The following CNRIP1 variants were observed in gnomAD, a reference collection of about 807,000 sequenced individuals.
CNRIP1 encodes the protein CB1 cannabinoid receptor-interacting protein 1.
A neutral mutation model predicts 15.2 loss-of-function variants in CNRIP1; 10 were observed. The ratio of observed to expected loss-of-function variants is 0.66; its 90% CI spans 0.41 to 1.12. The LOEUF is 1.12. CNRIP1 is among the 50% of genes most tolerant of loss of function. The probability of loss-of-function intolerance (pLI) is 0.00; values close to 1 mark genes in which losing one functional copy is unlikely to be tolerated. For missense variants in CNRIP1, 211 were observed against 214.7 expected, an observed-to-expected ratio of 0.98 and a Z score of 0.11; for synonymous variants, 91 against 83.2, an observed-to-expected ratio of 1.09 and a Z score of -0.51.
intron 2 of CNRIP1, among the ~76,000 whole-genome samples, chr2:68,307,850 T>C (rs1289703390): frequency 1.3e-5 from 2 of 152,154 alleles, no homozygotes; most frequent in South Asian, 2.1e-4. Context: ...TTTTAAAGTA[T>C]ACAAACAATC....
At chr2:68,295,244 G>A (rs113346403) in intron 2 of CNRIP1, among the ~76,000 whole-genome samples, 60 of 152,312 alleles carry the variant, frequency 3.9e-4, no homozygotes, top group African/African-American at 1.4e-3. Context: ...GTGATCAGGT[G>A]CTTTCCAGAT....
intron 2 of CNRIP1, among the ~76,000 whole-genome samples, chr2:68,286,361 A>G (rs934653033): frequency 6.6e-6 from 1 of 152,126 alleles, no homozygotes; most frequent in African/African-American, 2.4e-5. Flanking sequence ...TACACATTAT[A>G]TAGATCTACT....
At chr2:68,292,301 T>TC (rs1671193873), downstream of CNRIP1, among the ~76,000 whole-genome samples, 1 of 152,288 alleles carries the variant, frequency 6.6e-6, no homozygotes, top group African/African-American at 2.4e-5. Flanking sequence ...TCATTTATGA[T>TC]CCCCAAAGGC....
chr2:68,299,202 C>T (rs926741846), intron 2 of CNRIP1, among the ~76,000 whole-genome samples: 1 of 152,112 alleles, frequency 6.6e-6, no homozygotes, highest in Non-Finnish European at 1.5e-5. Flanking sequence ...TATCACTGTA[C>T]AAAACTGCTG....
chr2:68,304,244 T>TA (rs570769982), intron 2 of CNRIP1, among the ~76,000 whole-genome samples: 235 of 135,018 alleles, frequency 1.7e-3, no homozygotes, highest in African/African-American at 6.0e-3. Flanking sequence ...AAAAAAAAAA[T>TA]ACAAAAATTA....
chr2:68,295,945 G>C lies in CNRIP1; in HGVS notation c.331-1919C>G, dbSNP rs1291292059. ...AATATCCATTTTTAGTGAGCTATAA[G>C]AAAACAGGTATTCTAAATGCTGCTA... On this transcript the variant is annotated intron_variant, in intron 2 of 2. Transcript: ENST00000263655. 3.9e-5 allele frequency among the ~76,000 whole-genome samples: 6 copies of C among 152,264 alleles called. No individual in the cohort carries two copies. In the South Asian group the frequency reaches 1.2e-3, roughly 32 times the overall value.
chr2:68,292,955 C>T (rs905671269), downstream of CNRIP1: 8 of 925,968 alleles, frequency 8.6e-6, no homozygotes, highest in African/African-American at 1.8e-5. Flanking sequence ...TGGCCTAGAG[C>T]AGGGATTCAC....
chr2:68,318,293 T>G (rs908701802), intron 1 of CNRIP1, among the ~76,000 whole-genome samples: 1 of 152,132 alleles, frequency 6.6e-6, no homozygotes, highest in African/African-American at 2.4e-5. Flanking sequence ...TCAAAGTCCT[T>G]CCACCCCCGC....
chr2:68,314,057 C>T (rs781249485), intron 2 of CNRIP1, among the ~76,000 whole-genome samples: 2 of 152,032 alleles, frequency 1.3e-5, no homozygotes, highest in African/African-American at 2.4e-5. Context: ...AAAACCATCC[C>T]GCAAATCTTG....
intron 2 of CNRIP1, among the ~76,000 whole-genome samples, chr2:68,306,158 G>T (rs1671838201): frequency 1.2e-5 from 1 of 86,670 alleles, no homozygotes; most frequent in African/African-American, 4.4e-5. Context: ...AAAATTAGCT[G>T]GGTGTGGGTG....
In CNRIP1 at chr2:68,319,650, G is replaced by A. The variant is rs997256450; in HGVS notation, c.-250C>T. The A allele has an allele frequency of 4.3e-6, 2 of 462,528 alleles. No homozygotes were observed. Among genetic ancestry groups the A allele is most frequent in the Admixed American group, 4.3e-5 (1 of 23,302 alleles). 28.7% of individuals were successfully genotyped at this position (462,528 alleles called of 1,614,324 possible). On this transcript the variant is annotated 5_prime_UTR_variant, in exon 1 of 3. Transcript: ENST00000263655. ...GCCCAAGAGACGGCTCCAAGGCCGC[G>A]CGCTTCCCCATCCCCCGCTCCAGTG...
downstream of CNRIP1, among the ~76,000 whole-genome samples, chr2:68,288,655 A>G (rs111954601): frequency 0.017 from 2,550 of 152,316 alleles, 47 homozygotes; most frequent in Admixed American, 0.069. Flanking sequence ...AAAGAGAACT[A>G]TAGGCAAATG....
chr2:68,315,737 G>C (rs1399838199), intron 2 of CNRIP1, among the ~76,000 whole-genome samples: 3 of 152,110 alleles, frequency 2.0e-5, no homozygotes, highest in Non-Finnish European at 1.5e-5. Flanking sequence ...GTGCAGTGGT[G>C]TGATCATAGC....
chr2:68,289,695 G>A (rs1385638631), downstream of CNRIP1, among the ~76,000 whole-genome samples: 1 of 152,088 alleles, frequency 6.6e-6, no homozygotes, highest in Non-Finnish European at 1.5e-5. Flanking sequence ...TGCCTAGGCT[G>A]GTCTCAAACT....
chr2:68,319,556 C>A lies in CNRIP1; in HGVS notation c.-156G>T, dbSNP rs1319966098. 1.4e-6 allele frequency: 1 copy of A among 723,606 alleles called. No individual in the cohort carries two copies. The highest frequency in any genetic ancestry group is 2.1e-6 in the Non-Finnish European group (1 of 471,792). The allele number at this position is 723,606 out of a possible 1,614,324, so 44.8% of individuals were successfully genotyped here. ...CGCTAGGAACCCGCGCCGTCGCCGC[C>A]GTCCGCCCGGGCTTTTGAGGAGCAG... On this transcript the variant is annotated 5_prime_UTR_variant, in exon 1 of 3. Coordinates refer to ENST00000263655, the MANE Select transcript of CNRIP1 (RefSeq NM_015463.3).
At chr2:68,311,423 T>A (rs1672070295) in intron 2 of CNRIP1, among the ~76,000 whole-genome samples, 1 of 151,882 alleles carries the variant, frequency 6.6e-6, no homozygotes, top group Non-Finnish European at 1.5e-5. Context: ...CCAATAAAAC[T>A]GAAATCTCTA....
intron 2 of CNRIP1, among the ~76,000 whole-genome samples, chr2:68,306,011 T>G (rs949317225): frequency 6.8e-6 from 1 of 147,924 alleles, no homozygotes; most frequent in African/African-American, 2.5e-5. Flanking sequence ...GTGCCTCTGG[T>G]CCCAGCTACT....
downstream of CNRIP1, among the ~76,000 whole-genome samples, chr2:68,291,791 A>C (rs1671178874): frequency 6.6e-6 from 1 of 150,410 alleles, no homozygotes; most frequent in South Asian, 2.1e-4. Flanking sequence ...AGGCAGGAGA[A>C]TTGCTTGAAC....
downstream of CNRIP1, among the ~76,000 whole-genome samples, chr2:68,290,123 G>A (rs13431303): frequency 0.026 from 3,873 of 150,616 alleles, 177 homozygotes; most frequent in African/African-American, 0.087. Flanking sequence ...CCTCCTCCTG[G>A]GTTCAAGTGA....
Sources: allele counts gnomAD v4.1 joint callset (sites outside exome capture counted in the v4.1 genomes callset), GRCh38; gene constraint gnomAD v4.1.1; transcripts MANE v1.5; gene names NCBI Gene and HGNC (gene_info 2026-07-23, HGNC 2026-07-21).